Variants in RNF38 observed in about 807,000 individuals in gnomAD.
RNF38 encodes the protein ring finger protein 38, also known as E3 ubiquitin-protein ligase RNF38.
RNF38 carries 15 observed loss-of-function variants against 67.2 expected under a neutral mutation model. That is an observed-to-expected ratio of 0.22 (90% CI 0.15 to 0.34). RNF38 has a LOEUF of 0.34. RNF38 is among the 10% of genes least tolerant of loss of function. The pLI is 1.00. For missense variants in RNF38, 524 were observed against 639.9 expected (o/e 0.82, Z 1.95); for synonymous variants, 220 against 218.8 (o/e 1.01, Z -0.05).
chr9:36,379,599 C>T (rs1836050646), intron 2 of RNF38, among the ~76,000 whole-genome samples: 2 of 152,164 alleles, frequency 1.3e-5, no homozygotes, highest in African/African-American at 2.4e-5. Flanking sequence ...ACAACCTTCC[C>T]TATCTCTCTG....
chr9:36,435,817 G>A (rs955267442), intron 1 of RNF38, among the ~76,000 whole-genome samples: 9 of 152,026 alleles, frequency 5.9e-5, no homozygotes, highest in Non-Finnish European at 1.2e-4. Flanking sequence ...TTTTCATAGA[G>A]ACAGGGTTTC....
intron 3 of RNF38, chr9:36,372,611 CAA>C: frequency 1.4e-6 from 1 of 695,208 alleles, no homozygotes. Context: ...AAGTAGTAAA[CAA>C]GAACAGAATA....
chr9:36,469,708 G>A (rs750925182), intron 1 of RNF38, among the ~76,000 whole-genome samples: 10 of 152,034 alleles, frequency 6.6e-5, no homozygotes, highest in Non-Finnish European at 1.0e-4. Context: ...TGGTGCGGTG[G>A]CTCACACCTG....
intron 4 of RNF38, among the ~76,000 whole-genome samples, chr9:36,361,385 G>A (rs1299600590): frequency 6.6e-6 from 1 of 150,884 alleles, no homozygotes; most frequent in African/African-American, 2.4e-5. Context: ...GGATGGTCTC[G>A]ATCTCCTGAC....
chr9:36,478,461 AT>A (rs201238999), intron 1 of RNF38, among the ~76,000 whole-genome samples: 26 of 147,252 alleles, frequency 1.8e-4, no homozygotes, highest in African/African-American at 6.4e-4. Context: ...AGATAAACTG[AT>A]TTTTTTTCTG....
At chr9:36,467,862 G>C (rs947445306) in intron 1 of RNF38, among the ~76,000 whole-genome samples, 1 of 152,170 alleles carries the variant, frequency 6.6e-6, no homozygotes, top group Admixed American at 6.6e-5. Flanking sequence ...AATCTGAGAA[G>C]GGTTTGTTTA....
chr9:36,448,127 A>AT lies in RNF38; in HGVS notation n.242-23445_242-23444insA, dbSNP rs557628050. ...CACACAGAAACTTAATGACAGGGTG[A>AT]GGGCAGAGTGAGGACAGAACTGGTC... is the stretch of plus-strand genomic sequence containing the variant. On this transcript the variant is annotated intron_variant and non_coding_transcript_variant, in intron 1 of 3. Transcript: ENST00000488058. Among the ~76,000 whole-genome samples the AT allele has an allele frequency of 5.6e-3, 852 of 152,346 alleles. 1 individual carries two copies. The highest frequency in any genetic ancestry group is 0.01 in the Admixed American group (160 of 15,306).
intron 1 of RNF38, among the ~76,000 whole-genome samples, chr9:36,482,623 G>A (rs903594304): frequency 2.0e-5 from 3 of 152,198 alleles, no homozygotes; most frequent in African/African-American, 7.2e-5. Flanking sequence ...AAAGTGCTGG[G>A]ATTATAAGCG....
At chr9:36,350,274 T>A (rs983987452) in intron 9 of RNF38, among the ~76,000 whole-genome samples, 2 of 152,228 alleles carry the variant, frequency 1.3e-5, no homozygotes, top group Non-Finnish European at 2.9e-5. Context: ...TATTACAACA[T>A]CTAAATGGGT....
At chr9:36,399,972 G>C (rs1837873962) in intron 1 of RNF38, 125 bp downstream of exon 1, 1 of 829,172 alleles carries the variant, frequency 1.2e-6, no homozygotes, top group Non-Finnish European at 1.9e-6. Flanking sequence ...AAAAAGAAAT[G>C]GCAATTCATA....
chr9:36,437,692 A>G (rs1839101437), intron 1 of RNF38, among the ~76,000 whole-genome samples: 1 of 152,222 alleles, frequency 6.6e-6, no homozygotes, highest in Non-Finnish European at 1.5e-5. Context: ...TAGGAAGGGA[A>G]ACAAAACCTA....
At chr9:36,408,212 C>T (rs957805613) in intron 2 of RNF38, among the ~76,000 whole-genome samples, 2 of 151,994 alleles carry the variant, frequency 1.3e-5, no homozygotes, top group Non-Finnish European at 2.9e-5. Flanking sequence ...GTGATCCTCC[C>T]GCCTCAGTGC....
At chr9:36,419,442 C>T (rs77843769) in intron 2 of RNF38, among the ~76,000 whole-genome samples, 7,136 of 152,210 alleles carry the variant, frequency 0.047, 229 homozygotes, top group Non-Finnish European at 0.07. Context: ...CTTCTATTTT[C>T]GTTTCTCAAA....
chr9:36,413,959 C>G (rs1311749139), intron 2 of RNF38, among the ~76,000 whole-genome samples: 1 of 152,138 alleles, frequency 6.6e-6, no homozygotes, highest in Non-Finnish European at 1.5e-5. Context: ...CCTGTTGGAC[C>G]AGTCCTTTTA....
chr9:36,357,887 C>G lies in RNF38; in HGVS notation c.626G>C (p.Gly209Ala). The change falls in exon 5 of 12, where the codon GGG (glycine) becomes GCG (alanine). Residue 209 changes from glycine (G) to alanine (A), a missense_variant. Gly to Ala is a moderately conservative substitution (Grantham distance 60). Transcript: ENST00000259605. ...SYTVTTVAPH[G>A]IPLCTGQHIP... ...GTGCTGGCCTGTGCAGAGTGGAATC[C>G]CATGTGGTGCCACTGTTGTTACTGT... 2 of 1,613,810 alleles carry G rather than the reference C, an allele frequency of 1.2e-6. No individual in the cohort carries two copies. Among genetic ancestry groups the G allele is most frequent in the South Asian group, 2.2e-5 (2 of 91,070 alleles).
chr9:36,391,308 T>TA (rs1345319030), intron 1 of RNF38, among the ~76,000 whole-genome samples: 1 of 152,096 alleles, frequency 6.6e-6, no homozygotes, highest in Admixed American at 6.5e-5. Flanking sequence ...CTACAAAAAT[T>TA]AAAAAACAAA....
chr9:36,350,716 TC>T (rs1756046184), intron 9 of RNF38, among the ~76,000 whole-genome samples: 1 of 152,260 alleles, frequency 6.6e-6, no homozygotes, highest in Admixed American at 6.5e-5. Context: ...CTACCTGTTA[TC>T]ATAGCTATGT....
intron 9 of RNF38, among the ~76,000 whole-genome samples, chr9:36,349,480 T>A (rs1032576286): frequency 1.5e-4 from 23 of 152,028 alleles, no homozygotes; most frequent in Non-Finnish European, 3.2e-4. Context: ...GGGTTATTCA[T>A]TTTTTTTGCT....
At position 36,339,561 on chromosome 9, in the gene RNF38, T is replaced by C; in HGVS notation, c.*191A>G. On this transcript the variant is annotated 3_prime_UTR_variant, in exon 12 of 12. Coordinates refer to ENST00000259605, the MANE Select transcript of RNF38 (RefSeq NM_022781.5). ...TTTGGAGTTCCAATCACACGGTTAG[T>C]ATAACAATCCCATAACTGTGAAGAC... 1 of 533,774 alleles carries C rather than the reference T, an allele frequency of 1.9e-6. No individual in the cohort carries two copies. Among genetic ancestry groups the C allele is most frequent in the Non-Finnish European group, 3.4e-6 (1 of 296,320 alleles). The allele number at this position is 533,774 out of a possible 1,614,324, so 33.1% of individuals were successfully genotyped here.
Sources: allele counts gnomAD v4.1 joint callset (sites outside exome capture counted in the v4.1 genomes callset), GRCh38; gene constraint gnomAD v4.1.1; transcripts MANE v1.5; gene names NCBI Gene and HGNC (gene_info 2026-07-23, HGNC 2026-07-21).